RAPGEF5: variants seen among roughly 807,000 people sequenced by gnomAD.
The protein encoded by RAPGEF5 is Rap guanine nucleotide exchange factor 5.
Under a neutral mutation model 125.2 loss-of-function variants are expected in RAPGEF5, and 65 were observed. That is an observed-to-expected ratio of 0.52 (90% CI 0.43 to 0.64). RAPGEF5 has a LOEUF of 0.64. Among genes scored for constraint, RAPGEF5 ranks in the 30% least tolerant of loss-of-function variants. RAPGEF5 has a pLI of 0.00. For synonymous variants in RAPGEF5, 391 were observed against 385.9 expected (o/e 1.01, Z -0.16); for missense variants, 958 against 1,048.1 (o/e 0.91, Z 1.19).
Position 22,118,813 on chromosome 7 carries a change from T to TA in RAPGEF5, c.*3592dup, listed in dbSNP as rs570606323. The TA allele has an allele frequency of 3.5e-3, 533 of 152,706 alleles. 2 individuals carry two copies. Among genetic ancestry groups the TA allele is most frequent in the Non-Finnish European group, 5.4e-3 (364 of 68,020 alleles). The allele number at this position is 152,706 out of a possible 1,614,324, so 9.5% of individuals were successfully genotyped here. A position where few individuals can be genotyped will look rare whatever the true frequency, so the allele number is the denominator to read the frequency against. On this transcript the variant is annotated 3_prime_UTR_variant, in exon 26 of 26. Transcript: ENST00000665637. The stretch of plus-strand genomic sequence containing the variant: ...ACTATGCAAATAAATATTACTCTGC[T>TA]AAAAAATGTTTAGTATATACAGCTT...
chr7:22,145,277 C>A, intron 19 of RAPGEF5, 55 bp from the exon 20 acceptor site: 2 of 1,502,830 alleles, frequency 1.3e-6, no homozygotes, highest in Middle Eastern at 1.7e-4. Flanking sequence ...ATGGTTGATA[C>A]AAAACTCGGT....
chr7:22,196,523 C>A (rs1049670474), intron 9 of RAPGEF5, among the ~76,000 whole-genome samples: 2 of 152,180 alleles, frequency 1.3e-5, no homozygotes, highest in Non-Finnish European at 2.9e-5. Flanking sequence ...GGACACCAAG[C>A]GGCAAGTGAA....
intron 9 of RAPGEF5, among the ~76,000 whole-genome samples, chr7:22,218,824 A>G (rs1242827831): frequency 2.0e-5 from 3 of 152,212 alleles, no homozygotes; most frequent in African/African-American, 7.2e-5. Flanking sequence ...AAATAGTTCA[A>G]TCACAACGCT....
chr7:22,265,464 T>C (rs1782260062), intron 7 of RAPGEF5, among the ~76,000 whole-genome samples: 1 of 152,228 alleles, frequency 6.6e-6, no homozygotes, highest in Admixed American at 6.5e-5. Context: ...GAATAATATT[T>C]CATTGTGTAT....
intron 9 of RAPGEF5, among the ~76,000 whole-genome samples, chr7:22,217,595 C>T (rs192332904): frequency 2.6e-5 from 4 of 152,092 alleles, no homozygotes; most frequent in Non-Finnish European, 5.9e-5. Context: ...TTGAAAGATT[C>T]CACTGGTGTC....
intron 21 of RAPGEF5, among the ~76,000 whole-genome samples, chr7:22,139,467 G>T (rs144816465): frequency 1.3e-5 from 2 of 152,166 alleles, no homozygotes; most frequent in African/African-American, 4.8e-5. Flanking sequence ...CATGAATGTC[G>T]CAGTCCACAC....
intron 25 of RAPGEF5, among the ~76,000 whole-genome samples, chr7:22,124,502 G>A (rs1782676997): frequency 6.6e-6 from 1 of 152,158 alleles, no homozygotes; most frequent in African/African-American, 2.4e-5. Context: ...AATCCACACA[G>A]AAGTCCAGTT....
Position 22,228,658 on chromosome 7 carries a change from C to T in RAPGEF5, c.870+2188G>A, listed in dbSNP as rs956508503. Among the ~76,000 whole-genome samples, 10 of 147,390 alleles carry T rather than the reference C, an allele frequency of 6.8e-5. No individual in the cohort carries two copies. In the East Asian group the frequency reaches 8.1e-4, roughly 12 times the overall value. ...AAGTAGCTGGGATTACAGGCACCTG[C>T]TACCACGCCCAGCTAATTTTTTTTT... is the stretch of plus-strand genomic sequence containing the variant. On this transcript the variant is annotated intron_variant, in intron 8 of 25. Coordinates refer to ENST00000665637, the MANE Select transcript of RAPGEF5 (RefSeq NM_012294.5).
In RAPGEF5 at chr7:22,329,652, G is replaced by A. The variant is rs147697693; in HGVS notation, c.232-11615C>T. The stretch of plus-strand genomic sequence containing the variant: ...CAAACAGAATGGAATACACCAAAGC[G>A]CTAACAGAATGGGTTCTGTGTCATA... On this transcript the variant is annotated intron_variant, in intron 1 of 25. Coordinates refer to ENST00000665637, the MANE Select transcript of RAPGEF5 (RefSeq NM_012294.5). Among the ~76,000 whole-genome samples the A allele has an allele frequency of 5.0e-3, 764 of 152,242 alleles. 14 individuals are homozygous for A. The highest frequency in any genetic ancestry group is 0.018 in the African/African-American group (732 of 41,552).
chr7:22,130,860 T>C, intron 24 of RAPGEF5, 177 bp downstream of exon 24: 1 of 796,034 alleles, frequency 1.3e-6, no homozygotes. Flanking sequence ...GGAATACATT[T>C]TGTTGGCAGC....
chr7:22,138,051 A>C (rs139274127), intron 21 of RAPGEF5, among the ~76,000 whole-genome samples: 1 of 151,792 alleles, frequency 6.6e-6, no homozygotes, highest in South Asian at 2.1e-4. Context: ...ACGCACACAC[A>C]CACCCCAACA....
At chr7:22,301,264 T>G (rs1449127289) in intron 5 of RAPGEF5, among the ~76,000 whole-genome samples, 2 of 152,188 alleles carry the variant, frequency 1.3e-5, no homozygotes, top group Non-Finnish European at 2.9e-5. Context: ...CGTTATTATC[T>G]TGCCATAGTT....
intron 3 of RAPGEF5, among the ~76,000 whole-genome samples, chr7:22,310,316 C>T (rs1783440279): frequency 1.3e-5 from 2 of 152,100 alleles, no homozygotes; most frequent in African/African-American, 4.8e-5. Flanking sequence ...ATCAAATCAC[C>T]TAAAATTTAG....
intron 11 of RAPGEF5, among the ~76,000 whole-genome samples, chr7:22,171,203 G>T (rs180836447): frequency 2.1e-4 from 32 of 152,192 alleles, no homozygotes; most frequent in African/African-American, 7.5e-4. Flanking sequence ...TTATATGAAT[G>T]ATCCCCTGAA....
intron 1 of RAPGEF5, among the ~76,000 whole-genome samples, chr7:22,318,250 A>G (rs1783643485): frequency 6.6e-6 from 1 of 152,158 alleles, no homozygotes; most frequent in Non-Finnish European, 1.5e-5. Context: ...ACAGGACAGG[A>G]TATTCCACTT....
intron 20 of RAPGEF5, among the ~76,000 whole-genome samples, chr7:22,141,903 A>G (rs1414117335): frequency 6.6e-6 from 1 of 152,184 alleles, no homozygotes; most frequent in African/African-American, 2.4e-5. Flanking sequence ...CCAGTCTGTG[A>G]CTGGGAAACC....
intron 11 of RAPGEF5, chr7:22,192,434 C>G (rs1010147770): frequency 6.6e-6 from 1 of 152,198 alleles, no homozygotes; most frequent in African/African-American, 2.4e-5. Context: ...TCCAGGGACA[C>G]AAGGAAATTC....
At chr7:22,220,216 G>C in intron 8 of RAPGEF5, 1 of 508,186 alleles carries the variant, frequency 2.0e-6, no homozygotes, top group Admixed American at 3.2e-5. Flanking sequence ...CCTACTTTAA[G>C]AGGGTGAAGG....
intron 6 of RAPGEF5, among the ~76,000 whole-genome samples, chr7:22,270,688 T>C (rs1410565241): frequency 6.6e-6 from 1 of 152,240 alleles, no homozygotes; most frequent in East Asian, 1.9e-4. Context: ...CCTTCCCTAC[T>C]ATAATCCTTA....
Sources: gnomAD v4.1 joint callset for allele counts (sites outside exome capture counted in the v4.1 genomes callset) on GRCh38, gnomAD v4.1.1 for gene constraint, MANE v1.5 for transcripts, NCBI Gene and HGNC (gene_info 2026-07-23, HGNC 2026-07-21) for gene names.